The following ABR variants were observed in gnomAD, a reference collection of about 807,000 sequenced individuals.
ABR encodes active breakpoint cluster region-related protein.
A neutral mutation model predicts 107.2 loss-of-function variants in ABR; 35 were observed. The ratio of observed to expected loss-of-function variants is 0.33; its 90% CI spans 0.25 to 0.43. The LOEUF is 0.43. ABR is among the 20% of genes least tolerant of loss of function. ABR has a pLI of 1.00. For synonymous variants in ABR, 498 were observed against 462.0 expected, an observed-to-expected ratio of 1.08 and a Z score of -1.00; for missense variants, 815 against 1,115.2, an observed-to-expected ratio of 0.73 and a Z score of 3.83.
intron 2 of ABR, among the ~76,000 whole-genome samples, chr17:1,115,042 G>A (rs2038919870): frequency 6.6e-6 from 1 of 152,182 alleles, no homozygotes; most frequent in Non-Finnish European, 1.5e-5. Context: ...AGGTAGGCAG[G>A]GGGTCCAGGG....
chr17:1,082,680 C>T (rs118003903), intron 5 of ABR, among the ~76,000 whole-genome samples: 2,168 of 152,328 alleles, frequency 0.014, 30 homozygotes, highest in Middle Eastern at 0.044. Context: ...GTCCAAATTT[C>T]CTCAAGACTT....
Position 1,166,626 on chromosome 17 carries a change from C to T in ABR, c.61+13041G>A, listed in dbSNP as rs933516188. ...TGCAGGAAGGAGGGAGCTACGAAGGCTTGGAGGGCAGATGCTGCAGGCGCC... is the reference window on the plus strand; with the variant it reads ...TGCAGGAAGGAGGGAGCTACGAAGGTTTGGAGGGCAGATGCTGCAGGCGCC... On this transcript the variant is annotated intron_variant, in intron 1 of 22. Transcript: ENST00000302538. Among the ~76,000 whole-genome samples the T allele has an allele frequency of 3.9e-5, 6 of 152,310 alleles. No homozygotes were observed. In the East Asian group the frequency reaches 9.6e-4, roughly 24 times the overall value.
chr17:1,166,291 T>A (rs2041504711), intron 1 of ABR, among the ~76,000 whole-genome samples: 2 of 151,874 alleles, frequency 1.3e-5, no homozygotes, highest in South Asian at 4.2e-4. Context: ...GCAGGGCTTC[T>A]CTCCAGGGCC....
chr17:1,084,119 C>T lies in ABR; in HGVS notation c.532-492G>A, dbSNP rs989579353. ...ATTTAAAGGTGCTGTCTTGGCCGGG[C>T]GTGGCGGCTCACGCCTGTAACCCCA... On this transcript the variant is annotated intron_variant, in intron 4 of 22. Coordinates refer to ENST00000302538, the MANE Select transcript of ABR (RefSeq NM_021962.5). The surrounding 1 kb of genome is among the most constrained non-coding windows in gnomAD (Gnocchi z 4.2). Among the ~76,000 whole-genome samples the T allele has an allele frequency of 1.2e-4, 19 of 152,324 alleles. No individual in the cohort carries two copies. Among genetic ancestry groups the T allele is most frequent in the East Asian group, 3.9e-4 (2 of 5,172 alleles).
intron 9 of ABR, among the ~76,000 whole-genome samples, chr17:1,068,982 T>G (rs1475482646): frequency 2.0e-5 from 3 of 152,324 alleles, no homozygotes; most frequent in Admixed American, 1.3e-4. Context: ...GTGGTGAATA[T>G]TCACAGCACT....
At chr17:1,104,733 C>T (rs1007892106) in intron 2 of ABR, among the ~76,000 whole-genome samples, 1 of 152,238 alleles carries the variant, frequency 6.6e-6, no homozygotes, top group Non-Finnish European at 1.5e-5. Flanking sequence ...CTGAGGAAGT[C>T]TCTTTCAGCT....
At chr17:1,064,711 C>T (rs552073078) in intron 10 of ABR, among the ~76,000 whole-genome samples, 340 of 52,680 alleles carry the variant, frequency 6.5e-3, no homozygotes, top group Non-Finnish European at 7.1e-3. Flanking sequence ...CTAGACACTG[C>T]TGTTACGTGA....
rs564774248 is a variant in ABR, at chr17:1,201,967, G to A, written c.838+26826C>T. Among the ~76,000 whole-genome samples, 9 of 152,196 alleles carry A rather than the reference G, an allele frequency of 5.9e-5. No homozygotes were observed. In the South Asian group the frequency reaches 1.9e-3, roughly 32 times the overall value. On this transcript the variant is annotated intron_variant, in intron 1 of 22. Transcript: ENST00000574139. ...GCTGGGATTACAGGCGTGAGCCACC[G>A]CGCCCATCCTGCTTACTAGTGTTTC...
At chr17:1,105,970 C>T (rs2038219034) in intron 2 of ABR, among the ~76,000 whole-genome samples, 1 of 152,190 alleles carries the variant, frequency 6.6e-6, no homozygotes, top group Non-Finnish European at 1.5e-5. Context: ...GCACCTTCTA[C>T]AACGCCCCCG....
intron 1 of ABR, among the ~76,000 whole-genome samples, chr17:1,136,142 G>A (rs564027607): frequency 1.4e-4 from 22 of 152,236 alleles, no homozygotes; most frequent in African/African-American, 5.1e-4. Context: ...CCTTTTCTAG[G>A]ATGAAAGTCC....
chr17:1,106,887 C>T (rs761203473), intron 2 of ABR, among the ~76,000 whole-genome samples: 7 of 152,226 alleles, frequency 4.6e-5, no homozygotes, highest in Non-Finnish European at 8.8e-5. Flanking sequence ...TTGCTCTGAA[C>T]GCCTTGTGAG....
At chr17:1,195,773 C>T (rs1382684768) in intron 1 of ABR, among the ~76,000 whole-genome samples, 1 of 145,788 alleles carries the variant, frequency 6.9e-6, no homozygotes, top group Non-Finnish European at 1.5e-5. Flanking sequence ...CACTGCACTC[C>T]AGCCTGCGCA....
In ABR at chr17:1,004,929, C is replaced by T. The variant is rs775780189; in HGVS notation, c.*1151G>A. The T allele has an allele frequency of 2.8e-5, 11 of 398,298 alleles. No individual in the cohort carries two copies. The highest frequency in any genetic ancestry group is 1.3e-4 in the South Asian group (1 of 7,482). 24.7% of individuals were successfully genotyped at this position (398,298 alleles called of 1,614,324 possible). A position where few individuals can be genotyped will look rare whatever the true frequency, so the allele number is the denominator to read the frequency against. ...TGTAAAATCTAAGGCAAGAGTACCA[C>T]GAGGTCCTGCGGTGCCAGGGAGCTC... is the stretch of plus-strand genomic sequence containing the variant. On this transcript the variant is annotated 3_prime_UTR_variant, in exon 23 of 23. Transcript: ENST00000302538.
chr17:1,060,776 AGGTC>A (rs1469122796), intron 10 of ABR, among the ~76,000 whole-genome samples: 1 of 152,060 alleles, frequency 6.6e-6, no homozygotes, highest in Non-Finnish European at 1.5e-5. Context: ...GTGGATCATG[AGGTC>A]AGGAGTTTGA....
At chr17:1,026,775 C>T (rs115075078) in intron 16 of ABR, among the ~76,000 whole-genome samples, 1 of 151,952 alleles carries the variant, frequency 6.6e-6, no homozygotes, top group Non-Finnish European at 1.5e-5. Flanking sequence ...ACAGGGGAAA[C>T]GAGGTCAAAG....
At chr17:1,035,904 C>T (rs986152682) in intron 16 of ABR, among the ~76,000 whole-genome samples, 10 of 151,080 alleles carry the variant, frequency 6.6e-5, no homozygotes, top group South Asian at 4.2e-4. Flanking sequence ...GAGGTAAAAT[C>T]GGGTTAAGGT....
intron 16 of ABR, among the ~76,000 whole-genome samples, chr17:1,023,112 G>C (rs1050294728): frequency 6.7e-6 from 1 of 148,600 alleles, no homozygotes; most frequent in East Asian, 2.0e-4. Context: ...CCGGCCCCAC[G>C]TCCACTACAG....
intron 1 of ABR, among the ~76,000 whole-genome samples, chr17:1,171,079 G>T (rs2041692702): frequency 6.6e-6 from 1 of 152,168 alleles, no homozygotes; most frequent in South Asian, 2.1e-4. Context: ...TTGCCTCCAA[G>T]GGAGAGACTC....
chr17:1,094,375 T>TA (rs2037257009), intron 3 of ABR, among the ~76,000 whole-genome samples: 1 of 151,612 alleles, frequency 6.6e-6, no homozygotes, highest in Non-Finnish European at 1.5e-5. Context: ...CTGCAATTTT[T>TA]TTTTTTTTTT....
Sources: gnomAD v4.1 joint callset for allele counts (sites outside exome capture counted in the v4.1 genomes callset) on GRCh38, gnomAD v4.1.1 for gene constraint, Gnocchi (gnomAD v3.1) non-coding constraint, MANE v1.5 for transcripts, NCBI Gene and HGNC (gene_info 2026-07-23, HGNC 2026-07-21) for gene names.